Variants in DNAH7 observed in about 807,000 individuals in gnomAD.
The protein encoded by DNAH7 is dynein axonemal heavy chain 7.
DNAH7 carries 397 observed loss-of-function variants against 444.6 expected under a neutral mutation model. The ratio of observed to expected loss-of-function variants is 0.89; its 90% CI spans 0.82 to 0.97. The LOEUF (loss-of-function observed/expected upper bound fraction) is 0.97. Among genes scored for constraint, DNAH7 ranks in the 50% least tolerant of loss-of-function variants. The pLI, the probability that DNAH7 is intolerant of heterozygous loss-of-function variation, is 0.00. For synonymous variants in DNAH7, 1,636 were observed against 1,624.4 expected (o/e 1.01, Z -0.17); for missense variants, 4,902 against 4,800.8 (o/e 1.02, Z -0.62).
chr2:196,045,202 AAGGAGG>A (rs140581136), intron 5 of DNAH7, among the ~76,000 whole-genome samples: 2,243 of 145,446 alleles, frequency 0.015, 53 homozygotes, highest in African/African-American at 0.054. Context: ...GGAGGAGGAA[AAGGAGG>A]AGGAGGAGGA....
At position 196,024,484 on chromosome 2, in the gene DNAH7, G is replaced by T. The variant is rs751417741; in HGVS notation, c.688C>A (p.Pro230Thr). The change falls in exon 8 of 65, where the codon CCT becomes ACT. Residue 230 changes from proline (P) to threonine (T), a missense_variant. Physicochemically the swap from Pro to Thr is conservative, Grantham distance 38. Transcript: ENST00000312428. ...KSIVDFVLKD[P>T]REKGDDKKTD... ...TTCTTATCATCTCCTTTCTCTCGAGGATCTTTTAAAACAAAATCAACTAAA... is the reference window on the plus strand; with the variant it reads ...TTCTTATCATCTCCTTTCTCTCGAGTATCTTTTAAAACAAAATCAACTAAA... The T allele has an allele frequency of 8.2e-6, 13 of 1,577,372 alleles. No homozygotes were observed. In the African/African-American group the frequency reaches 1.5e-4, roughly 18 times the overall value.
intron 61 of DNAH7, among the ~76,000 whole-genome samples, chr2:195,768,712 G>A (rs1395780047): frequency 1.3e-5 from 2 of 152,054 alleles, no homozygotes; most frequent in African/African-American, 2.4e-5. Flanking sequence ...ATATTTGCTG[G>A]AATCCTGGGT....
At chr2:195,814,739 A>G (rs1017128022) in intron 51 of DNAH7, among the ~76,000 whole-genome samples, 1 of 151,862 alleles carries the variant, frequency 6.6e-6, no homozygotes, top group Admixed American at 6.6e-5. Context: ...TACTGGGAAT[A>G]ATTTTTTTTT....
At chr2:195,848,143 C>A (rs1699125271) in intron 46 of DNAH7, among the ~76,000 whole-genome samples, 1 of 152,188 alleles carries the variant, frequency 6.6e-6, no homozygotes, top group African/African-American at 2.4e-5. Flanking sequence ...GGCTGAGAGG[C>A]CACGCTGGGC....
At position 195,872,232 on chromosome 2, in the gene DNAH7, A is replaced by T; in HGVS notation, c.6633+18T>A. ...TTTGTTTCTCACATAATCCCATTTC[A>T]ATAACAGGAAAATTTACCTCATGAA... On this transcript the variant is annotated intron_variant, in intron 40 of 64. Coordinates refer to ENST00000312428, the MANE Select transcript of DNAH7 (RefSeq NM_018897.3). The T allele has an allele frequency of 6.3e-7, 1 of 1,581,548 alleles. No homozygotes were observed. The highest frequency in any genetic ancestry group is 8.7e-7 in the Non-Finnish European group (1 of 1,155,294).
At chr2:195,996,046 T>C (rs971951131) in intron 12 of DNAH7, among the ~76,000 whole-genome samples, 19 of 152,366 alleles carry the variant, frequency 1.2e-4, no homozygotes, top group African/African-American at 4.6e-4. Flanking sequence ...CCACACTTTG[T>C]GCAATCATAT....
chr2:195,891,810 T>TA lies in DNAH7; in HGVS notation c.4897-7_4897-6insT. On this transcript the variant is annotated splice_region_variant and splice_polypyrimidine_tract_variant and intron_variant, in intron 30 of 64. Coordinates refer to ENST00000312428, the MANE Select transcript of DNAH7 (RefSeq NM_018897.3). ...TTGTTTTCTTCCATTAGCCCCTTAA[T>TA]GAAAAAAAAAAACATTTATTTATGT... 2 of 1,425,890 alleles carry TA rather than the reference T, an allele frequency of 1.4e-6. No individual in the cohort carries two copies. The highest frequency in any genetic ancestry group is 1.3e-5 in the South Asian group (1 of 75,604). The allele number at this position is 1,425,890 out of a possible 1,614,324, so 88.3% of individuals were successfully genotyped here. A position where few individuals can be genotyped will look rare whatever the true frequency, so the allele number is the denominator to read the frequency against.
intron 63 of DNAH7, among the ~76,000 whole-genome samples, chr2:195,743,131 A>G (rs971707181): frequency 1.3e-5 from 2 of 152,142 alleles, no homozygotes; most frequent in Non-Finnish European, 2.9e-5. Flanking sequence ...TCAGCCTCCA[A>G]GTTCTTTGGC....
At chr2:196,029,855 ATATT>A (rs1553608852) in intron 5 of DNAH7, among the ~76,000 whole-genome samples, 1 of 148,830 alleles carries the variant, frequency 6.7e-6, no homozygotes, top group Non-Finnish European at 1.5e-5. Flanking sequence ...GAAAAGAACT[ATATT>A]TATTTTTTTT....
At chr2:195,761,143 G>A (rs1200104589) in intron 61 of DNAH7, among the ~76,000 whole-genome samples, 1 of 151,288 alleles carries the variant, frequency 6.6e-6, no homozygotes, top group Non-Finnish European at 1.5e-5. Flanking sequence ...CAAAGAGATT[G>A]AGATTTTTTT....
chr2:195,856,318 T>C (rs964054020), intron 44 of DNAH7, among the ~76,000 whole-genome samples: 13 of 152,188 alleles, frequency 8.5e-5, no homozygotes, highest in African/African-American at 3.1e-4. Flanking sequence ...AAGGTGAGTT[T>C]TCATGAGAAA....
intron 40 of DNAH7, among the ~76,000 whole-genome samples, chr2:195,868,428 G>A (rs1700483353): frequency 6.6e-6 from 1 of 151,666 alleles, no homozygotes; most frequent in Admixed American, 6.6e-5. Flanking sequence ...GAGTGTGAAA[G>A]GTACTTAATG....
chr2:196,039,906 CA>C (rs1473591850), intron 5 of DNAH7, among the ~76,000 whole-genome samples: 4 of 151,628 alleles, frequency 2.6e-5, no homozygotes, highest in Non-Finnish European at 5.9e-5. Context: ...TTATGATCAA[CA>C]ACTACACAAC....
At chr2:196,047,935 T>C (rs981005390) in intron 4 of DNAH7, among the ~76,000 whole-genome samples, 3 of 152,002 alleles carry the variant, frequency 2.0e-5, no homozygotes, top group Admixed American at 6.6e-5. Flanking sequence ...AATTTGGAAG[T>C]CATGTTCACA....
intron 63 of DNAH7, among the ~76,000 whole-genome samples, chr2:195,746,321 A>G (rs1444057912): frequency 1.3e-5 from 2 of 152,164 alleles, no homozygotes; most frequent in Non-Finnish European, 2.9e-5. Context: ...ATATGCACCC[A>G]ATACAGGAGC....
chr2:195,849,188 G>C (rs1699197969), intron 46 of DNAH7, among the ~76,000 whole-genome samples: 2 of 152,100 alleles, frequency 1.3e-5, no homozygotes, highest in South Asian at 4.2e-4. Context: ...TGGCCAGTGG[G>C]AATACCCTTA....
At chr2:195,746,960 T>C (rs1057275953) in intron 63 of DNAH7, among the ~76,000 whole-genome samples, 4 of 151,756 alleles carry the variant, frequency 2.6e-5, no homozygotes, top group Admixed American at 2.6e-4. Flanking sequence ...AGCAAACACA[T>C]TCAAAAGCTA....
chr2:196,057,084 A>G (rs1032399880), intron 2 of DNAH7, among the ~76,000 whole-genome samples: 4 of 152,226 alleles, frequency 2.6e-5, no homozygotes, highest in Non-Finnish European at 5.9e-5. Context: ...ATTACTGCGG[A>G]AGAACTTATA....
intron 60 of DNAH7, among the ~76,000 whole-genome samples, chr2:195,772,820 G>A (rs1574408368): frequency 7.8e-6 from 1 of 127,886 alleles, no homozygotes; most frequent in Non-Finnish European, 1.6e-5. Flanking sequence ...TCACTCTGTT[G>A]CCCAGGCTGG....
Sources: gnomAD v4.1 joint callset for allele counts (sites outside exome capture counted in the v4.1 genomes callset) on GRCh38, gnomAD v4.1.1 for gene constraint, MANE v1.5 for transcripts, NCBI Gene and HGNC (gene_info 2026-07-23, HGNC 2026-07-21) for gene names.